The following BTD variants were observed in gnomAD, a reference collection of about 807,000 sequenced individuals.
BTD encodes the protein biotinidase.
Under a neutral mutation model 17.7 loss-of-function variants are expected in BTD, and 13 were observed. That is an observed-to-expected ratio of 0.74 (90% CI 0.48 to 1.17). BTD has a LOEUF of 1.17. Ranked by LOEUF, BTD falls within the 50% of genes most tolerant of loss-of-function variation. BTD has a pLI of 0.00. For synonymous variants in BTD, 240 were observed against 245.2 expected (o/e 0.98, Z 0.20); for missense variants, 674 against 650.4 (o/e 1.04, Z -0.39).
At chr3:15,720,807 G>A (rs2073647448) in intron 4 of BTD, 1 of 974,198 alleles carries the variant, frequency 1.0e-6, no homozygotes, top group Non-Finnish European at 1.5e-6. Context: ...ATTTATCCAT[G>A]TTCTTGAGTT....
At chr3:15,715,555 C>A (rs1437947094), downstream of BTD, among the ~76,000 whole-genome samples, 1 of 152,122 alleles carries the variant, frequency 6.6e-6, no homozygotes, top group African/African-American at 2.4e-5. Flanking sequence ...AAGTTCTAAT[C>A]TTTTGGAGGC....
intron 1 of BTD, among the ~76,000 whole-genome samples, chr3:15,608,667 GAGGC>G (rs1394641068): frequency 6.6e-6 from 1 of 151,930 alleles, no homozygotes; most frequent in African/African-American, 2.4e-5. Flanking sequence ...CGGGGAGGCT[GAGGC>G]AGGAGAACCA....
chr3:15,675,948 A>G, intron 3 of BTD: 1 of 1,613,120 alleles, frequency 6.2e-7, no homozygotes, highest in Non-Finnish European at 8.5e-7. Flanking sequence ...AAGTTCCTGA[A>G]CCACCATTGT....
At chr3:15,641,652 C>G (rs986697833) in intron 2 of BTD, among the ~76,000 whole-genome samples, 9 of 152,174 alleles carry the variant, frequency 5.9e-5, no homozygotes, top group African/African-American at 2.2e-4. Context: ...CCCTCCTTCC[C>G]TCACATGACC....
At chr3:15,679,565 TA>T in intron 3 of BTD, 1 of 1,604,524 alleles carries the variant, frequency 6.2e-7, no homozygotes, top group Non-Finnish European at 8.5e-7. Flanking sequence ...TCTCGTGACC[TA>T]AATAGGTGTA....
chr3:15,644,448 G>T lies in BTD; in HGVS notation c.532G>T (p.Val178Phe). 6.2e-7 allele frequency: 1 copy of T among 1,614,106 alleles called. No individual in the cohort carries two copies. Among genetic ancestry groups the T allele is most frequent in the Non-Finnish European group, 8.5e-7 (1 of 1,180,014 alleles). ...KDGRYQFNTN[V>F]VFSNNGTLVD... Reference sequence around the variant, plus strand: ...TGGGAGATACCAGTTCAACACAAATGTCGTGTTCAGCAATAATGGAACCCT... The same window carrying T: ...TGGGAGATACCAGTTCAACACAAATTTCGTGTTCAGCAATAATGGAACCCT... Residue 178 changes from valine to phenylalanine, a missense_variant, in exon 4 of 4, where the codon GTC becomes TTC. Transcript: ENST00000643237.
Position 15,647,253 on chromosome 3 carries a change from C to T in BTD, c.*1765C>T, listed in dbSNP as rs1648129005. ...AGAAGCGGCCCCAGATGTGGCTACCCACCGCCCAGTCTGCTTCCCTGCCTC... is the reference window on the plus strand; with the variant it reads ...AGAAGCGGCCCCAGATGTGGCTACCTACCGCCCAGTCTGCTTCCCTGCCTC... On this transcript the variant is annotated 3_prime_UTR_variant, in exon 4 of 4. Transcript: ENST00000643237. The T allele has an allele frequency of 6.6e-6, 1 of 152,284 alleles. No individual in the cohort carries two copies. Among genetic ancestry groups the T allele is most frequent in the Middle Eastern group, 3.2e-3 (1 of 316 alleles). 9.4% of individuals were successfully genotyped at this position (152,284 alleles called of 1,614,324 possible). A position where few individuals can be genotyped will look rare whatever the true frequency, so the allele number is the denominator to read the frequency against.
chr3:15,697,101 A>G (rs1056464511), intron 3 of BTD, among the ~76,000 whole-genome samples: 2 of 152,226 alleles, frequency 1.3e-5, no homozygotes, highest in Non-Finnish European at 2.9e-5. Flanking sequence ...ACCATGGAAT[A>G]CTATTCAGAC....
chr3:15,703,928 C>T (rs2125986175), intron 3 of BTD, among the ~76,000 whole-genome samples: 1 of 152,228 alleles, frequency 6.6e-6, no homozygotes, highest in South Asian at 2.1e-4. Flanking sequence ...TACATACACA[C>T]AGAGCAATAT....
exon 5 of BTD, among the ~76,000 whole-genome samples, chr3:15,721,917 T>G (rs2073773950): frequency 6.6e-6 from 1 of 152,090 alleles, no homozygotes; most frequent in African/African-American, 2.4e-5. Context: ...GGCTAATATT[T>G]GTATTTTAGT....
Position 15,646,351 on chromosome 3 carries a change from A to C in BTD, c.*863A>C, listed in dbSNP as rs1036766047. 4 of 152,344 alleles carry C rather than the reference A, an allele frequency of 2.6e-5. No individual in the cohort carries two copies. The highest frequency in any genetic ancestry group is 9.6e-5 in the African/African-American group (4 of 41,586). The allele number at this position is 152,344 out of a possible 1,614,324, so 9.4% of individuals were successfully genotyped here. ...TTGCCCGACTGTGCAGGATGGATTGATGCTGGTATAATTTGATCTGGAGCC... is the reference window on the plus strand; with the variant it reads ...TTGCCCGACTGTGCAGGATGGATTGCTGCTGGTATAATTTGATCTGGAGCC... On this transcript the variant is annotated 3_prime_UTR_variant, in exon 4 of 4. Coordinates refer to ENST00000643237, the MANE Select transcript of BTD (RefSeq NM_001370658.1).
At chr3:15,675,056 G>A (rs1427037162) in intron 3 of BTD, among the ~76,000 whole-genome samples, 1 of 152,126 alleles carries the variant, frequency 6.6e-6, no homozygotes, top group African/African-American at 2.4e-5. Flanking sequence ...GATCACCTGA[G>A]GTCAGGGGTT....
At position 15,644,780 on chromosome 3, in the gene BTD, G is replaced by A; in HGVS notation, c.864G>A (p.Met288Ile). The change falls in exon 4 of 4, where the codon ATG becomes ATA. Residue 288 changes from methionine (M) to isoleucine (I), a missense_variant. Met to Ile is a conservative substitution (Grantham distance 10). Transcript: ENST00000643237. ...ATGTCCACCACCCAGTTCTGGGGATGACAGGAAGTGGCATACACACCCCTC... is the reference window on the plus strand; with the variant it reads ...ATGTCCACCACCCAGTTCTGGGGATAACAGGAAGTGGCATACACACCCCTC... ...AANVHHPVLG[M>I]TGSGIHTPLE... The A allele has an allele frequency of 6.2e-7, 1 of 1,614,160 alleles. No individual in the cohort carries two copies. Among genetic ancestry groups the A allele is most frequent in the Non-Finnish European group, 8.5e-7 (1 of 1,180,026 alleles).
rs777741493 is a variant in BTD, at chr3:15,645,447, G to T, written c.1531G>T (p.Val511Leu). 6.2e-7 allele frequency: 1 copy of T among 1,612,356 alleles called. No individual in the cohort carries two copies. The highest frequency in any genetic ancestry group is 1.3e-5 in the African/African-American group (1 of 75,046). ...LRKSRLSSGL[V>L]TAALYGRLYE... ...GAAAAGTAGGCTGTCCTCTGGGCTG[G>T]TGACGGCGGCTCTCTATGGGCGCTT... Residue 511 changes from valine to leucine, a missense_variant, in exon 4 of 4, where the codon GTG becomes TTG. Val to Leu is a conservative substitution (Grantham distance 32). Transcript: ENST00000643237.
At chr3:15,720,892 T>C (rs369435652) in intron 4 of BTD, 62 of 1,604,122 alleles carry the variant, frequency 3.9e-5, no homozygotes, top group Middle Eastern at 1.7e-4. Flanking sequence ...GAAATACTTA[T>C]AGATTCTGAT....
At position 15,601,798 on chromosome 3, in the gene BTD, G is replaced by C. The variant is rs1456825931; in HGVS notation, c.-113G>C. 2.5e-6 allele frequency: 4 copies of C among 1,613,864 alleles called. No individual in the cohort carries two copies. Among genetic ancestry groups the C allele is most frequent in the Non-Finnish European group, 3.4e-6 (4 of 1,179,992 alleles). On this transcript the variant is annotated 5_prime_UTR_variant, in exon 1 of 4. Coordinates refer to ENST00000643237, the MANE Select transcript of BTD (RefSeq NM_001370658.1). ...AAGAAGCCGAACTCTGAGGCCTCTC[G>C]CCATTGTCTCCGAGTCGGCCAGCTG... is the stretch of plus-strand genomic sequence containing the variant.
At chr3:15,675,792 G>C (rs1006317511) in intron 3 of BTD, 3 of 939,086 alleles carry the variant, frequency 3.2e-6, no homozygotes, top group Non-Finnish European at 4.5e-6. Flanking sequence ...ATTAACTTTA[G>C]CTCTCCTCTT....
intron 1 of BTD, chr3:15,631,316 T>A (rs2065198053): frequency 1.3e-6 from 1 of 775,656 alleles, no homozygotes. Flanking sequence ...AATGACAAGA[T>A]ATTTTATTAA....
chr3:15,691,783 C>T (rs2068834346), intron 3 of BTD, among the ~76,000 whole-genome samples: 1 of 152,050 alleles, frequency 6.6e-6, no homozygotes, highest in South Asian at 2.1e-4. Flanking sequence ...AATTATGCTA[C>T]TGAAAGAATG....
Sources: gnomAD v4.1 joint callset for allele counts (sites outside exome capture counted in the v4.1 genomes callset) on GRCh38, gnomAD v4.1.1 for gene constraint, MANE v1.5 for transcripts, NCBI Gene and HGNC (gene_info 2026-07-23, HGNC 2026-07-21) for gene names.